EPHB1: variants seen among roughly 807,000 people sequenced by gnomAD.
EPHB1 encodes ephrin type-B receptor 1.
In EPHB1, 30 loss-of-function variants were observed where a neutral mutation model predicts 94.4. The ratio of observed to expected loss-of-function variants is 0.32; its 90% CI spans 0.24 to 0.43. EPHB1 has a LOEUF of 0.43. EPHB1 is among the 20% of genes least tolerant of loss of function. EPHB1 has a pLI of 1.00. For missense variants in EPHB1, 1,055 were observed against 1,308.3 expected, an observed-to-expected ratio of 0.81 and a Z score of 2.99; for synonymous variants, 522 against 489.1, an observed-to-expected ratio of 1.07 and a Z score of -0.89.
chr3:135,069,940 A>C (rs1290237239), intron 3 of EPHB1, among the ~76,000 whole-genome samples: 3 of 152,196 alleles, frequency 2.0e-5, no homozygotes, highest in African/African-American at 7.2e-5. Context: ...ACACTCACTA[A>C]ATCAAATACA....
intron 1 of EPHB1, among the ~76,000 whole-genome samples, chr3:134,884,556 A>G (rs774325965): frequency 1.4e-4 from 21 of 152,198 alleles, no homozygotes; most frequent in Non-Finnish European, 2.6e-4. Flanking sequence ...GGATTCAAAG[A>G]CTTAATGAGC....
chr3:134,972,522 A>G, intron 3 of EPHB1, among the ~76,000 whole-genome samples: 1 of 104,002 alleles, frequency 9.6e-6, no homozygotes, highest in Non-Finnish European at 1.9e-5. Context: ...ATTATTATAT[A>G]TTTATTATAA....
chr3:135,182,569 A>G (rs543202553), intron 10 of EPHB1, among the ~76,000 whole-genome samples: 1 of 152,360 alleles, frequency 6.6e-6, no homozygotes, highest in South Asian at 2.1e-4. Context: ...ACAGGCATGT[A>G]TTATGCAAAG....
intron 13 of EPHB1, among the ~76,000 whole-genome samples, chr3:135,241,657 G>A (rs1418803122): frequency 6.6e-6 from 1 of 152,194 alleles, no homozygotes; most frequent in Non-Finnish European, 1.5e-5. Flanking sequence ...CCTTCCCTGT[G>A]AACGACAGAG....
chr3:134,989,339 A>C (rs551237925), intron 3 of EPHB1, among the ~76,000 whole-genome samples: 1 of 152,356 alleles, frequency 6.6e-6, no homozygotes, highest in South Asian at 2.1e-4. Flanking sequence ...GGAATTAACT[A>C]ACATGGAAAT....
At chr3:135,039,693 G>C (rs35138564) in intron 3 of EPHB1, among the ~76,000 whole-genome samples, 1 of 152,106 alleles carries the variant, frequency 6.6e-6, no homozygotes. Context: ...CCCCTTGCTC[G>C]GGGCCAGCAG....
chr3:135,227,946 C>T (rs1326801326), intron 12 of EPHB1, among the ~76,000 whole-genome samples: 1 of 152,064 alleles, frequency 6.6e-6, no homozygotes, highest in Non-Finnish European at 1.5e-5. Flanking sequence ...CATCATCGCT[C>T]TTTATTCTTA....
At chr3:134,941,984 G>T (rs2039128713) in intron 2 of EPHB1, among the ~76,000 whole-genome samples, 1 of 152,176 alleles carries the variant, frequency 6.6e-6, no homozygotes, top group Non-Finnish European at 1.5e-5. Flanking sequence ...CTTTCTAATG[G>T]ATGTCACTGT....
At chr3:134,973,574 G>A (rs961395192) in intron 3 of EPHB1, among the ~76,000 whole-genome samples, 1 of 151,826 alleles carries the variant, frequency 6.6e-6, no homozygotes, top group African/African-American at 2.4e-5. Context: ...CGGGATTACA[G>A]GCATGCACCA....
At chr3:134,803,570 C>T (rs996476543) in intron 1 of EPHB1, among the ~76,000 whole-genome samples, 4 of 152,152 alleles carry the variant, frequency 2.6e-5, no homozygotes, top group African/African-American at 7.2e-5. Context: ...AATGCTGGAT[C>T]CAGGATTAGA....
chr3:135,109,419 A>G (rs1478775502), intron 4 of EPHB1, among the ~76,000 whole-genome samples: 2 of 152,248 alleles, frequency 1.3e-5, no homozygotes. Context: ...ATGAGGATTC[A>G]GCCAAATAGT....
At chr3:135,047,778 C>T (rs73216122) in intron 3 of EPHB1, among the ~76,000 whole-genome samples, 20,469 of 152,122 alleles carry the variant, frequency 0.13, 1,882 homozygotes, top group African/African-American at 0.26. Context: ...AGTTTTCCAT[C>T]CTTCCCTTTT....
At chr3:134,878,066 C>G (rs1460130102) in intron 1 of EPHB1, among the ~76,000 whole-genome samples, 1 of 152,206 alleles carries the variant, frequency 6.6e-6, no homozygotes, top group Non-Finnish European at 1.5e-5. Flanking sequence ...AGCCTTCCCC[C>G]GGAGGGCAGG....
At chr3:134,860,501 A>G (rs1266635939) in intron 1 of EPHB1, among the ~76,000 whole-genome samples, 1 of 151,818 alleles carries the variant, frequency 6.6e-6, no homozygotes, top group Non-Finnish European at 1.5e-5. Context: ...ATAAGAAGCA[A>G]CTCCACTTTA....
At chr3:134,926,019 C>T in intron 2 of EPHB1, 139 bp downstream of exon 2, 1 of 673,768 alleles carries the variant, frequency 1.5e-6, no homozygotes, top group Non-Finnish European at 2.4e-6. Flanking sequence ...ACTGCCCATC[C>T]ATGCAAAGAC....
chr3:135,181,271 C>A (rs1942145235), intron 10 of EPHB1, among the ~76,000 whole-genome samples: 1 of 152,178 alleles, frequency 6.6e-6, no homozygotes, highest in African/African-American at 2.4e-5. Flanking sequence ...CCTGCTCCCG[C>A]CAACCCCTCA....
At position 135,154,254 on chromosome 3, in the gene EPHB1, A is replaced by G; in HGVS notation, c.1400A>G (p.Tyr467Cys). ...PEQPNGIILDYEIRYYEKEHN... is the reference protein window; with the variant it reads ...PEQPNGIILDCEIRYYEKEHN... ...CAGCCCAATGGCATCATCCTGGACT[A>G]TGAGATCCGGTACTATGAGAAGGTG... The change falls in exon 6 of 16, where the codon TAT becomes TGT. Residue 467 changes from tyrosine (Y) to cysteine (C), a missense_variant. Tyr to Cys is a radical substitution (Grantham distance 194, BLOSUM62 -2). Transcript: ENST00000398015. 8 of 1,613,990 alleles carry G rather than the reference A, an allele frequency of 5.0e-6. No homozygotes were observed. The highest frequency in any genetic ancestry group is 1.1e-5 in the South Asian group (1 of 91,084).
chr3:135,141,734 G>A (rs2107690499), intron 5 of EPHB1, among the ~76,000 whole-genome samples: 1 of 152,264 alleles, frequency 6.6e-6, no homozygotes, highest in East Asian at 1.9e-4. Flanking sequence ...GGCACAGACA[G>A]GCAGCCTTGA....
At chr3:134,923,675 A>G (rs765760529) in intron 1 of EPHB1, among the ~76,000 whole-genome samples, 1 of 152,214 alleles carries the variant, frequency 6.6e-6, no homozygotes, top group South Asian at 2.1e-4. Flanking sequence ...TTTCTTCCAC[A>G]TAGCTCCCCA....
Sources: gnomAD v4.1 joint callset for allele counts (sites outside exome capture counted in the v4.1 genomes callset) on GRCh38, gnomAD v4.1.1 for gene constraint, MANE v1.5 for transcripts, NCBI Gene and HGNC (gene_info 2026-07-23, HGNC 2026-07-21) for gene names.